RUNX2: variants seen among roughly 807,000 people sequenced by gnomAD.
RUNX2 encodes RUNX family transcription factor 2.
In RUNX2, 10 loss-of-function variants were observed where a neutral mutation model predicts 51.7. That is an observed-to-expected ratio of 0.19 (90% CI 0.12 to 0.33). RUNX2 has a LOEUF of 0.33. Among genes scored for constraint, RUNX2 ranks in the 10% least tolerant of loss-of-function variants. The probability of loss-of-function intolerance (pLI) is 1.00; values close to 1 mark genes in which losing one functional copy is unlikely to be tolerated. For missense variants in RUNX2, 562 were observed against 691.3 expected, an observed-to-expected ratio of 0.81 and a Z score of 2.10; for synonymous variants, 276 against 273.6, an observed-to-expected ratio of 1.01 and a Z score of -0.09.
Position 45,512,321 on chromosome 6 carries a change from C to A in RUNX2, c.935C>A (p.Ser312Tyr). ...SYPSYLSQMT[S>Y]PSIHSTTPLS... is the part of the protein sequence containing the mutation. The stretch of plus-strand genomic sequence containing the variant: ...CCCTCCTACCTGAGCCAGATGACGT[C>A]CCCGTCCATCCACTCTACCACCCCG... Residue 312 changes from serine (S) to tyrosine (Y), a missense_variant, in exon 7 of 9, where the codon TCC becomes TAC. Ser to Tyr is a moderately radical substitution (Grantham distance 144, BLOSUM62 -2). Coordinates refer to ENST00000647337, the MANE Select transcript of RUNX2 (RefSeq NM_001024630.4). 1 of 1,614,152 alleles carries A rather than the reference C, an allele frequency of 6.2e-7. No individual in the cohort carries two copies. The highest frequency in any genetic ancestry group is 8.5e-7 in the Non-Finnish European group (1 of 1,180,018).
At chr6:45,447,816 C>T (rs553269228) in intron 5 of RUNX2, among the ~76,000 whole-genome samples, 40 of 152,194 alleles carry the variant, frequency 2.6e-4, no homozygotes, top group Non-Finnish European at 5.4e-4. Flanking sequence ...GTAATTCCTT[C>T]AATGAGAAAC....
rs748951752 is a variant in RUNX2, at chr6:45,328,708, GA to G, written c.-10del. 33 of 1,598,904 alleles carry G rather than the reference GA, an allele frequency of 2.1e-5. No individual in the cohort carries two copies. The highest frequency in any genetic ancestry group is 1.9e-4 in the South Asian group (17 of 90,662). On this transcript the variant is annotated 5_prime_UTR_variant, in exon 2 of 9. Transcript: ENST00000647337. ...ACAACAGAGGGTACAAGTTCTATCTGAAAAAAAAAGGAGGGACTATGGCATC... is the reference window on the plus strand; with the variant it reads ...ACAACAGAGGGTACAAGTTCTATCTGAAAAAAAAGGAGGGACTATGGCATC...
chr6:45,468,303 T>C (rs922307676), intron 5 of RUNX2, among the ~76,000 whole-genome samples: 1 of 152,212 alleles, frequency 6.6e-6, no homozygotes. Flanking sequence ...ATTACCATAG[T>C]ATAAAAGAAA....
At chr6:45,509,480 G>GAT (rs1801077575) in intron 6 of RUNX2, among the ~76,000 whole-genome samples, 1 of 152,190 alleles carries the variant, frequency 6.6e-6, no homozygotes, top group Admixed American at 6.5e-5. Context: ...AAGTTTAAGT[G>GAT]ATATGCTCAG....
chr6:45,434,653 T>A (rs1798632276), intron 4 of RUNX2, among the ~76,000 whole-genome samples: 1 of 152,210 alleles, frequency 6.6e-6, no homozygotes, highest in Non-Finnish European at 1.5e-5. Flanking sequence ...TTTTCCTTTT[T>A]TTTATCCTTA....
chr6:45,328,760 C>A lies in RUNX2; in HGVS notation c.34C>A (p.Pro12Thr). The A allele has an allele frequency of 2.5e-6, 4 of 1,612,032 alleles. No homozygotes were observed. The highest frequency in any genetic ancestry group is 2.2e-5 in the East Asian group (1 of 44,800). The change falls in exon 2 of 9, where the codon CCA (proline) becomes ACA (threonine). Residue 12 changes from proline (P) to threonine (T), a missense_variant. Coordinates refer to ENST00000647337, the MANE Select transcript of RUNX2 (RefSeq NM_001024630.4). ...ASNSLFSTVT[P>T]CQQNFFWDPS... Reference sequence around the variant, plus strand: ...AAACAGCCTCTTCAGCACAGTGACACCATGTCAGCAAAACTTCTTTTGGGG... The same window carrying A: ...AAACAGCCTCTTCAGCACAGTGACAACATGTCAGCAAAACTTCTTTTGGGG...
intron 7 of RUNX2, among the ~76,000 whole-genome samples, chr6:45,525,657 G>A (rs1302466038): frequency 6.6e-6 from 1 of 152,072 alleles, no homozygotes; most frequent in Non-Finnish European, 1.5e-5. Flanking sequence ...GGCCTGAAAG[G>A]GCAGGTTTTC....
At chr6:45,535,827 C>A (rs1432016848) in intron 7 of RUNX2, among the ~76,000 whole-genome samples, 1 of 151,458 alleles carries the variant, frequency 6.6e-6, no homozygotes, top group Non-Finnish European at 1.5e-5. Context: ...TAAACCCAGG[C>A]AGGAAGGTGG....
chr6:45,381,963 C>G (rs1395805196), intron 2 of RUNX2, among the ~76,000 whole-genome samples: 1 of 152,158 alleles, frequency 6.6e-6, no homozygotes. Flanking sequence ...TCTTAGGGAC[C>G]TATCATTGTA....
intron 2 of RUNX2, among the ~76,000 whole-genome samples, chr6:45,416,391 A>G (rs1241943622): frequency 6.6e-6 from 1 of 152,208 alleles, no homozygotes; most frequent in African/African-American, 2.4e-5. Flanking sequence ...CCTAATGCCT[A>G]AAGTGAAACT....
At chr6:45,330,998 A>C (rs1331721036) in intron 2 of RUNX2, among the ~76,000 whole-genome samples, 4 of 152,036 alleles carry the variant, frequency 2.6e-5, no homozygotes, top group Non-Finnish European at 4.4e-5. Flanking sequence ...AAATGTCTTA[A>C]GTATGTGCCC....
chr6:45,431,812 T>C (rs1307371197), intron 3 of RUNX2, 51 bp from the exon 4 acceptor site: 9 of 1,595,034 alleles, frequency 5.6e-6, no homozygotes, highest in Non-Finnish European at 7.7e-6. Context: ...ATTCTGTTTG[T>C]AAGCCTTTCT....
chr6:45,492,193 C>A, intron 6 of RUNX2, 79 bp downstream of exon 6: 1 of 1,364,428 alleles, frequency 7.3e-7, no homozygotes, highest in Non-Finnish European at 1.0e-6. Flanking sequence ...GATGTGTTCA[C>A]TTCAAAACTC....
chr6:45,479,682 A>C (rs1165773980), intron 5 of RUNX2, among the ~76,000 whole-genome samples: 1 of 152,244 alleles, frequency 6.6e-6, no homozygotes, highest in East Asian at 1.9e-4. Flanking sequence ...ATAATTCAGC[A>C]TGAAGCCAGC....
intron 2 of RUNX2, among the ~76,000 whole-genome samples, chr6:45,373,545 T>TTG (rs368652949): frequency 0.01 from 1,560 of 150,300 alleles, 11 homozygotes; most frequent in Non-Finnish European, 0.014. Context: ...AAAATATTAT[T>TTG]TGTGTGTGTG....
intron 2 of RUNX2, among the ~76,000 whole-genome samples, chr6:45,397,742 T>C (rs1797614058): frequency 6.6e-6 from 1 of 152,216 alleles, no homozygotes; most frequent in Admixed American, 6.5e-5. Flanking sequence ...GGGACCAAAA[T>C]TAAAGAATTA....
At chr6:45,365,356 CA>C (rs965242582) in intron 2 of RUNX2, 19,666 of 910,230 alleles carry the variant, frequency 0.022, no homozygotes, top group South Asian at 0.036. Flanking sequence ...TAAGTAAATG[CA>C]AAAAAAAAAG....
chr6:45,537,376 A>T (rs184930604), intron 7 of RUNX2, among the ~76,000 whole-genome samples: 22 of 152,328 alleles, frequency 1.4e-4, no homozygotes, highest in Admixed American at 2.6e-4. Flanking sequence ...GGAGACAGTG[A>T]CAGCAAAGCC....
At chr6:45,411,663 A>G (rs1280894101) in intron 2 of RUNX2, among the ~76,000 whole-genome samples, 1 of 152,184 alleles carries the variant, frequency 6.6e-6, no homozygotes, top group Non-Finnish European at 1.5e-5. Flanking sequence ...GTATGAACCA[A>G]TACCATCAGC....
Sources: gnomAD v4.1 joint callset for allele counts (sites outside exome capture counted in the v4.1 genomes callset) on GRCh38, gnomAD v4.1.1 for gene constraint, MANE v1.5 for transcripts, NCBI Gene and HGNC (gene_info 2026-07-23, HGNC 2026-07-21) for gene names.